The following HEMK2 variants were observed in gnomAD, a reference collection of about 807,000 sequenced individuals.
HEMK2 encodes HemK methyltransferase 2, ETF1 glutamine and histone H4 lysine.
At chr21:28,863,748 T>C in the HEMK2 span, among the ~76,000 whole-genome samples, 2 of 152,060 alleles carry the variant, frequency 1.3e-5, no homozygotes, top group African/African-American at 4.8e-5. Context: ...CAGAGTAAGA[T>C]TATCAGGACC....
At chr21:28,670,723 T>C in the HEMK2 span, among the ~76,000 whole-genome samples, 1 of 152,296 alleles carries the variant, frequency 6.6e-6, no homozygotes, top group South Asian at 2.1e-4. Context: ...CAGTTCCACA[T>C]GGCTGGGGAG....
the HEMK2 span, among the ~76,000 whole-genome samples, chr21:28,878,021 C>T: frequency 6.6e-6 from 1 of 152,050 alleles, no homozygotes; most frequent in Non-Finnish European, 1.5e-5. Flanking sequence ...CCTCTGAAAA[C>T]CTCTTTTCTC....
At chr21:28,878,859 T>G in the HEMK2 span, among the ~76,000 whole-genome samples, 1 of 150,434 alleles carries the variant, frequency 6.6e-6, no homozygotes, top group Non-Finnish European at 1.5e-5. Flanking sequence ...CCAATGCATC[T>G]GGCCCTCTTG....
chr21:28,878,232 T>C, the HEMK2 span: 18 of 1,600,580 alleles, frequency 1.1e-5, no homozygotes, highest in South Asian at 1.8e-4. Context: ...AGAATAATCC[T>C]CTTGGTGAAA....
chr21:28,819,065 T>C, the HEMK2 span, among the ~76,000 whole-genome samples: 3 of 152,216 alleles, frequency 2.0e-5, no homozygotes, highest in African/African-American at 4.8e-5. Flanking sequence ...CAGTCATTAA[T>C]GTTTTCGTTA....
the HEMK2 span, among the ~76,000 whole-genome samples, chr21:28,771,522 C>CCCCG: frequency 2.5e-5 from 3 of 119,268 alleles, no homozygotes; most frequent in East Asian, 4.3e-4. Context: ...TGCACCACCC[C>CCCCG]CCCCCGCCAA....
At chr21:28,676,212 T>C in the HEMK2 span, among the ~76,000 whole-genome samples, 1 of 152,188 alleles carries the variant, frequency 6.6e-6, no homozygotes, top group African/African-American at 2.4e-5. Context: ...GCTGAAATCC[T>C]GATATCAAGG....
the HEMK2 span, among the ~76,000 whole-genome samples, chr21:28,674,159 C>T: frequency 6.6e-6 from 1 of 152,286 alleles, no homozygotes; most frequent in Non-Finnish European, 1.5e-5. Flanking sequence ...TGCTACACTC[C>T]CATTAGCGCC....
At chr21:28,814,425 T>TACC in the HEMK2 span, among the ~76,000 whole-genome samples, 1 of 151,194 alleles carries the variant, frequency 6.6e-6, no homozygotes, top group African/African-American at 2.4e-5. Flanking sequence ...CAAAAGAAAC[T>TACC]ACCATCAGAG....
chr21:28,650,514 G>A, the HEMK2 span, among the ~76,000 whole-genome samples: 1 of 152,194 alleles, frequency 6.6e-6, no homozygotes, highest in Non-Finnish European at 1.5e-5. Context: ...AATGTATGAA[G>A]TGACCAATTA....
the HEMK2 span, among the ~76,000 whole-genome samples, chr21:28,852,716 T>C: frequency 2.0e-5 from 3 of 152,258 alleles, no homozygotes; most frequent in African/African-American, 7.2e-5. Context: ...TGACGGGCCA[T>C]GATTCCCTGT....
At chr21:28,841,413 T>A in the HEMK2 span, among the ~76,000 whole-genome samples, 6,634 of 44,146 alleles carry the variant, frequency 0.15, 1,215 homozygotes, top group East Asian at 0.63. Context: ...ATAATATATA[T>A]ATTATATATA....
chr21:28,835,345 C>T, the HEMK2 span, among the ~76,000 whole-genome samples: 1 of 152,142 alleles, frequency 6.6e-6, no homozygotes, highest in Non-Finnish European at 1.5e-5. Flanking sequence ...CCAGTACCAG[C>T]CCAGAACTGC....
the HEMK2 span, chr21:28,876,630 A>G: frequency 1.9e-6 from 1 of 524,452 alleles, no homozygotes; most frequent in Non-Finnish European, 3.2e-6. Flanking sequence ...ATAAATGTCT[A>G]CTAAAGTGAA....
the HEMK2 span, among the ~76,000 whole-genome samples, chr21:28,688,560 G>A: frequency 6.6e-6 from 1 of 151,668 alleles, no homozygotes; most frequent in Non-Finnish European, 1.5e-5. Flanking sequence ...CTTATCTCCA[G>A]GATCTAGGAT....
At chr21:28,877,140 AAGAG>A in the HEMK2 span, among the ~76,000 whole-genome samples, 1 of 114,356 alleles carries the variant, frequency 8.7e-6, no homozygotes, top group Admixed American at 1.0e-4. Flanking sequence ...AAGAGAAGAG[AAGAG>A]AGAGAGAGAA....
chr21:28,608,528 A>G, the HEMK2 span, among the ~76,000 whole-genome samples: 5 of 152,192 alleles, frequency 3.3e-5, no homozygotes, highest in Non-Finnish European at 7.3e-5. Context: ...CTACTGAGGA[A>G]CATAACAGGA....
chr21:28,842,490 T>C, the HEMK2 span, among the ~76,000 whole-genome samples: 11 of 152,118 alleles, frequency 7.2e-5, no homozygotes, highest in African/African-American at 2.4e-4. Flanking sequence ...ACTGGCCTGA[T>C]AGTATTTGAT....
chr21:28,751,038 T>C, the HEMK2 span, among the ~76,000 whole-genome samples: 1 of 152,070 alleles, frequency 6.6e-6, no homozygotes, highest in Non-Finnish European at 1.5e-5. Context: ...AAGACCATCC[T>C]GGCTAACAAG....
Sources: allele counts gnomAD v4.1 joint callset (sites outside exome capture counted in the v4.1 genomes callset), GRCh38; gene constraint gnomAD v4.1.1; transcripts MANE v1.5; gene names NCBI Gene and HGNC (gene_info 2026-07-23, HGNC 2026-07-21).